The following CDH7 variants were observed in gnomAD, a reference collection of about 807,000 sequenced individuals.
CDH7 encodes the protein cadherin 7, also known as cadherin-7.
A neutral mutation model predicts 71.8 loss-of-function variants in CDH7; 25 were observed. The ratio of observed to expected loss-of-function variants is 0.35; its 90% CI spans 0.25 to 0.49. The LOEUF is 0.49. Among genes scored for constraint, CDH7 ranks in the 20% least tolerant of loss-of-function variants. CDH7 has a pLI of 0.99. For synonymous variants in CDH7, 381 were observed against 363.8 expected (o/e 1.05, Z -0.54); for missense variants, 862 against 974.6 (o/e 0.88, Z 1.54).
chr18:65,858,029 C>A, intron 8 of CDH7, 77 bp downstream of exon 8: 1 of 1,409,872 alleles, frequency 7.1e-7, no homozygotes, highest in Non-Finnish European at 9.7e-7. Context: ...GTTGTAAATT[C>A]AAGTTAATTA....
intron 6 of CDH7, among the ~76,000 whole-genome samples, chr18:65,840,011 A>C (rs1912669680): frequency 6.6e-6 from 1 of 152,170 alleles, no homozygotes; most frequent in South Asian, 2.1e-4. Flanking sequence ...AGAATTTAAA[A>C]TCTGGGTTAC....
chr18:65,874,843 G>T (rs990109341), intron 11 of CDH7, among the ~76,000 whole-genome samples: 1 of 151,894 alleles, frequency 6.6e-6, no homozygotes, highest in Non-Finnish European at 1.5e-5. Context: ...CTATTTCTGG[G>T]TGCCAAAACT....
chr18:65,778,404 A>G (rs1296188691), intron 2 of CDH7, among the ~76,000 whole-genome samples: 2 of 151,670 alleles, frequency 1.3e-5, no homozygotes, highest in Non-Finnish European at 2.9e-5. Flanking sequence ...AACTGCACAG[A>G]GGAAACTGGT....
chr18:65,875,859 G>A (rs1271280409), intron 11 of CDH7, among the ~76,000 whole-genome samples: 1 of 152,128 alleles, frequency 6.6e-6, no homozygotes, highest in Non-Finnish European at 1.5e-5. Context: ...AGCTCAAGAG[G>A]TCGAGGATAC....
rs9965990 is a variant in CDH7 at position 65,878,547 on chromosome 18, A to G, written c.1865-1854A>G. Among the ~76,000 whole-genome samples, 371 of 152,284 alleles carry G rather than the reference A, an allele frequency of 2.4e-3. 4 individuals carry two copies. The highest frequency in any genetic ancestry group is 8.4e-3 in the African/African-American group (351 of 41,562). On this transcript the variant is annotated intron_variant, in intron 11 of 11. Coordinates refer to ENST00000397968, the MANE Select transcript of CDH7 (RefSeq NM_004361.5). ...GTGAAAGTGCTAATTCTCAGTAGAC[A>G]AGAAAGGACAATCCACTTAACAGGG...
At chr18:65,782,567 A>C (rs76321931) in intron 2 of CDH7, among the ~76,000 whole-genome samples, 1 of 152,112 alleles carries the variant, frequency 6.6e-6, no homozygotes, top group Non-Finnish European at 1.5e-5. Flanking sequence ...ACTCTCATCT[A>C]TGATAGTTAT....
At chr18:65,825,256 T>A (rs1461251132) in intron 6 of CDH7, among the ~76,000 whole-genome samples, 1 of 151,908 alleles carries the variant, frequency 6.6e-6, no homozygotes, top group Non-Finnish European at 1.5e-5. Flanking sequence ...ACCAAAATGT[T>A]GAAAACTTGC....
In CDH7 at chr18:65,822,032, T is replaced by G. The variant is rs760055433; in HGVS notation, c.626-49T>G. On this transcript the variant is annotated intron_variant, in intron 4 of 11. Transcript: ENST00000397968. ...CTTGTATCAGTATTCTTTGTTAGTA[T>G]AAATGCAGTGATTCATGATGAGTTT... is the stretch of plus-strand genomic sequence containing the variant. The G allele has an allele frequency of 2.8e-6, 4 of 1,418,500 alleles. No homozygotes were observed. In the South Asian group the frequency reaches 3.5e-5, roughly 12 times the overall value. The allele number at this position is 1,418,500 out of a possible 1,614,324, so 87.9% of individuals were successfully genotyped here. A position where few individuals can be genotyped will look rare whatever the true frequency, so the allele number is the denominator to read the frequency against.
chr18:65,810,167 C>G (rs1325496290), intron 3 of CDH7, among the ~76,000 whole-genome samples, 169 bp downstream of exon 3: 1 of 151,366 alleles, frequency 6.6e-6, no homozygotes, highest in Non-Finnish European at 1.5e-5. Flanking sequence ...CAGCCAGTAT[C>G]CATTAACTTA....
At chr18:65,847,293 A>T (rs1291896946) in intron 7 of CDH7, among the ~76,000 whole-genome samples, 1 of 152,160 alleles carries the variant, frequency 6.6e-6, no homozygotes, top group Non-Finnish European at 1.5e-5. Flanking sequence ...TAGTTCTTTG[A>T]GGAATGGAAA....
In CDH7 at chr18:65,883,737, T is replaced by G. The variant is rs963206512; in HGVS notation, c.*2843T>G. 7 of 152,086 alleles carry G rather than the reference T, an allele frequency of 4.6e-5. No individual in the cohort carries two copies. The highest frequency in any genetic ancestry group is 1.0e-4 in the Non-Finnish European group (7 of 67,962). The allele number at this position is 152,086 out of a possible 1,614,324, so 9.4% of individuals were successfully genotyped here. A position where few individuals can be genotyped will look rare whatever the true frequency, so the allele number is the denominator to read the frequency against. Reference sequence around the variant, plus strand: ...AAACATTTACCAGCACTCTACTGCTTAAATTATTTTATAAAATGAAATGTC... The same window carrying G: ...AAACATTTACCAGCACTCTACTGCTGAAATTATTTTATAAAATGAAATGTC... On this transcript the variant is annotated 3_prime_UTR_variant, in exon 12 of 12. Coordinates refer to ENST00000397968, the MANE Select transcript of CDH7 (RefSeq NM_004361.5).
intron 7 of CDH7, among the ~76,000 whole-genome samples, chr18:65,850,717 A>G (rs7343022): frequency 0.082 from 12,448 of 151,932 alleles, 1,675 homozygotes; most frequent in African/African-American, 0.28. Context: ...ATAAAACCCT[A>G]AAGGAAAATT....
chr18:65,810,081 G>GAA (rs5825649), intron 3 of CDH7, 83 bp downstream of exon 3: 132 of 751,802 alleles, frequency 1.8e-4, no homozygotes, highest in African/African-American at 1.4e-3. Flanking sequence ...ATTAAGTACT[G>GAA]AAAAAAAAAA....
At chr18:65,872,111 G>A (rs1373442940) in intron 11 of CDH7, among the ~76,000 whole-genome samples, 2 of 152,202 alleles carry the variant, frequency 1.3e-5, no homozygotes, top group East Asian at 1.9e-4. Flanking sequence ...TTTTAAACTC[G>A]CTGCAAGCAG....
intron 1 of CDH7, among the ~76,000 whole-genome samples, chr18:65,756,671 G>T (rs1174966108): frequency 1.3e-5 from 2 of 152,192 alleles, no homozygotes; most frequent in African/African-American, 4.8e-5. Context: ...GTGGAATGTG[G>T]TCTTTAATTG....
chr18:65,880,325 C>T (rs1045939743), intron 11 of CDH7, 76 bp from the exon 12 acceptor site: 1 of 1,436,052 alleles, frequency 7.0e-7, no homozygotes, highest in East Asian at 2.3e-5. Context: ...ACTCAGCGTC[C>T]TAGGCCTAAT....
chr18:65,825,463 G>A (rs1184113555), intron 6 of CDH7, among the ~76,000 whole-genome samples: 2 of 151,914 alleles, frequency 1.3e-5, no homozygotes, highest in East Asian at 1.9e-4. Flanking sequence ...ACAGTTATGG[G>A]AGAAAATGGA....
intron 11 of CDH7, among the ~76,000 whole-genome samples, chr18:65,867,657 T>C (rs1033500823): frequency 6.6e-6 from 1 of 152,190 alleles, no homozygotes; most frequent in Non-Finnish European, 1.5e-5. Flanking sequence ...ATAAAACCTG[T>C]TTCTTGCACA....
chr18:65,871,815 A>G (rs1913935594), intron 11 of CDH7, among the ~76,000 whole-genome samples: 1 of 152,158 alleles, frequency 6.6e-6, no homozygotes, highest in East Asian at 1.9e-4. Flanking sequence ...TTATATTCTG[A>G]TGAGTATATA....
Sources: allele counts gnomAD v4.1 joint callset (sites outside exome capture counted in the v4.1 genomes callset), GRCh38; gene constraint gnomAD v4.1.1; transcripts MANE v1.5; gene names NCBI Gene and HGNC (gene_info 2026-07-23, HGNC 2026-07-21).